The following TMC7 variants were observed in gnomAD, a reference collection of about 807,000 sequenced individuals.
The protein encoded by TMC7 is transmembrane channel like 7, also known as transmembrane channel-like protein 7.
A neutral mutation model predicts 82.9 loss-of-function variants in TMC7; 54 were observed. That is an observed-to-expected ratio of 0.65 (90% confidence interval 0.52 to 0.82). The LOEUF is 0.82. Ranked by LOEUF, TMC7 falls within the 40% of genes least tolerant of loss-of-function variation. The pLI is 0.00. For missense variants in TMC7, 820 were observed against 901.2 expected (o/e 0.91, Z 1.15); for synonymous variants, 350 against 337.9 (o/e 1.04, Z -0.39).
intron 4 of TMC7, 132 bp from the exon 5 acceptor site, chr16:19,022,981 T>C: frequency 4.2e-6 from 2 of 474,870 alleles, no homozygotes; most frequent in Non-Finnish European, 7.6e-6. Flanking sequence ...GATCACGCCA[T>C]TGCACTCCAG....
intron 14 of TMC7, 30 bp downstream of exon 14, chr16:19,056,727 G>A (rs1961790711): frequency 6.2e-7 from 1 of 1,606,184 alleles, no homozygotes. Context: ...ACCCACTGAG[G>A]CACGTGGGCT....
intron 1 of TMC7, among the ~76,000 whole-genome samples, chr16:19,008,926 T>C (rs904704682): frequency 4.6e-5 from 7 of 152,166 alleles, no homozygotes; most frequent in Non-Finnish European, 7.3e-5. Context: ...AGCCAAACAC[T>C]GGAGATCAGA....
chr16:18,997,717 G>A (rs916927313), intron 1 of TMC7, among the ~76,000 whole-genome samples: 1 of 135,336 alleles, frequency 7.4e-6, no homozygotes, highest in African/African-American at 2.7e-5. Context: ...CAACTCCTGT[G>A]CCAAATCCAG....
intron 6 of TMC7, among the ~76,000 whole-genome samples, chr16:19,032,784 C>T (rs1960576866): frequency 1.3e-5 from 2 of 152,066 alleles, no homozygotes; most frequent in East Asian, 1.9e-4. Flanking sequence ...CACGCCACCA[C>T]GACTGGCTTA....
intron 5 of TMC7, among the ~76,000 whole-genome samples, chr16:19,027,410 C>T (rs767857143): frequency 6.6e-5 from 10 of 151,968 alleles, no homozygotes; most frequent in Non-Finnish European, 1.5e-4. Context: ...TCTAGTGTGG[C>T]TGGGAAACTG....
At chr16:19,002,425 CAG>C (rs911495607) in intron 1 of TMC7, among the ~76,000 whole-genome samples, 1 of 151,932 alleles carries the variant, frequency 6.6e-6, no homozygotes, top group Non-Finnish European at 1.5e-5. Context: ...TTAGTAGAGA[CAG>C]GGTTTCACCA....
In TMC7 at chr16:19,061,164, C is replaced by T. The variant is rs568142954; in HGVS notation, c.2107-614C>T. 7.2e-5 allele frequency among the ~76,000 whole-genome samples: 11 copies of T among 152,250 alleles called. No homozygotes were observed. In the South Asian group the frequency reaches 1.7e-3, roughly 23 times the overall value. On this transcript the variant is annotated intron_variant, in intron 15 of 15. Transcript: ENST00000304381. ...GATTACAGGCACCTGCCACCACGCC[C>T]GGCTAATTTTTTGTATTTTTAGTAG...
Position 18,984,095 on chromosome 16 carries a change from C to G in TMC7, c.32C>G (p.Pro11Arg). 2.0e-6 allele frequency: 3 copies of G among 1,502,936 alleles called. No homozygotes were observed. The highest frequency in any genetic ancestry group is 2.6e-6 in the Non-Finnish European group (3 of 1,133,950). 93.1% of individuals were successfully genotyped at this position (1,502,936 alleles called of 1,614,324 possible). Residue 11 changes from proline (P) to arginine (R), a missense_variant, in exon 1 of 16, where the codon CCC becomes CGC. Pro to Arg is a moderately radical substitution (Grantham distance 103, BLOSUM62 -2). Transcript: ENST00000304381. ...GAGTCCAGCGGCAGTGCGCTCCAGCCCGGCAGGCCCAGCCGGCAGCCGGCG... is the reference window on the plus strand; with the variant it reads ...GAGTCCAGCGGCAGTGCGCTCCAGCGCGGCAGGCCCAGCCGGCAGCCGGCG... The part of the protein sequence containing the change: MSESSGSALQ[P>R]GRPSRQPAVH...
intron 5 of TMC7, 33 bp downstream of exon 5, chr16:19,023,228 C>A: frequency 7.3e-7 from 1 of 1,371,202 alleles, no homozygotes. Context: ...TGTTTAGCTC[C>A]TCAATCTACT....
intron 5 of TMC7, among the ~76,000 whole-genome samples, chr16:19,024,251 C>G (rs1475287507): frequency 6.6e-6 from 1 of 151,978 alleles, no homozygotes; most frequent in African/African-American, 2.4e-5. Context: ...GGCAACATAT[C>G]TCTACACAGA....
At chr16:19,016,938 C>G (rs1353163846) in intron 3 of TMC7, among the ~76,000 whole-genome samples, 1 of 152,170 alleles carries the variant, frequency 6.6e-6, no homozygotes, top group African/African-American at 2.4e-5. Context: ...GTAATCCCAG[C>G]AATTTGGGAG....
chr16:19,050,432 G>A (rs763591479), intron 12 of TMC7, among the ~76,000 whole-genome samples: 3 of 150,270 alleles, frequency 2.0e-5, no homozygotes, highest in Admixed American at 6.7e-5. Flanking sequence ...CATCTTGTAC[G>A]GAGTTTTGAA....
chr16:19,018,998 G>A (rs1288504353), intron 3 of TMC7, among the ~76,000 whole-genome samples: 1 of 152,084 alleles, frequency 6.6e-6, no homozygotes, highest in Non-Finnish European at 1.5e-5. Flanking sequence ...CTACAGGCAC[G>A]TGCCACCAGG....
chr16:19,029,780 A>G (rs1050095973), intron 5 of TMC7, among the ~76,000 whole-genome samples: 2 of 150,604 alleles, frequency 1.3e-5, no homozygotes, highest in Non-Finnish European at 3.0e-5. Flanking sequence ...TCCCGGGTTC[A>G]AGTGATTCTC....
At chr16:19,058,403 TAAATA>T (rs772416971) in intron 14 of TMC7, among the ~76,000 whole-genome samples, 20 of 136,244 alleles carry the variant, frequency 1.5e-4, no homozygotes, top group South Asian at 5.5e-4. Context: ...ATAAATAAAA[TAAATA>T]AAATAATTTT....
chr16:18,994,234 TAG>T (rs2038999751), intron 1 of TMC7, among the ~76,000 whole-genome samples: 1 of 152,000 alleles, frequency 6.6e-6, no homozygotes, highest in Admixed American at 6.6e-5. Context: ...ATGAGAACTG[TAG>T]AGAGTAAGTG....
chr16:19,039,629 G>T (rs1960917574), intron 8 of TMC7, among the ~76,000 whole-genome samples: 1 of 152,140 alleles, frequency 6.6e-6, no homozygotes, highest in South Asian at 2.1e-4. Context: ...ATATTGTCCA[G>T]GTAGTCTGTT....
chr16:19,053,849 CT>C (rs35024702), intron 13 of TMC7, among the ~76,000 whole-genome samples: 52,253 of 137,822 alleles, frequency 0.38, 9,896 homozygotes, highest in African/African-American at 0.49. Context: ...TCTTTTCTTT[CT>C]TTTTTTTTTT....
intron 5 of TMC7, among the ~76,000 whole-genome samples, chr16:19,025,412 A>G (rs7192545): frequency 0.3 from 45,894 of 151,982 alleles, 7,173 homozygotes; most frequent in Non-Finnish European, 0.33. Flanking sequence ...TGAGGTCAGG[A>G]GTTCAAGACC....
Sources: allele counts gnomAD v4.1 joint callset (sites outside exome capture counted in the v4.1 genomes callset), GRCh38; gene constraint gnomAD v4.1.1; transcripts MANE v1.5; gene names NCBI Gene and HGNC (gene_info 2026-07-23, HGNC 2026-07-21).